The following ATP6V1H variants were observed in gnomAD, a reference collection of about 807,000 sequenced individuals.
ATP6V1H encodes the protein V-type proton ATPase subunit H.
In ATP6V1H, 39 loss-of-function variants were observed where a neutral mutation model predicts 71.7. The observed-to-expected ratio is 0.54, with a 90% CI of 0.42 to 0.71. The LOEUF (loss-of-function observed/expected upper bound fraction) is 0.71. Ranked by LOEUF, ATP6V1H falls within the 30% of genes least tolerant of loss-of-function variation. The pLI is 0.00. For missense variants in ATP6V1H, 509 were observed against 594.9 expected, an observed-to-expected ratio of 0.86 and a Z score of 1.50; for synonymous variants, 192 against 199.3, an observed-to-expected ratio of 0.96 and a Z score of 0.31.
At chr8:53,759,804 T>C in intron 11 of ATP6V1H, among the ~76,000 whole-genome samples, 1 of 152,232 alleles carries the variant, frequency 6.6e-6, no homozygotes, top group East Asian at 1.9e-4. Flanking sequence ...ACTACTAACA[T>C]ACAAGCTACA....
intron 5 of ATP6V1H, among the ~76,000 whole-genome samples, chr8:53,816,563 C>T (rs1282413141): frequency 6.6e-6 from 1 of 152,042 alleles, no homozygotes; most frequent in Non-Finnish European, 1.5e-5. Flanking sequence ...TCTGGGAGGC[C>T]GAGGCAGGCA....
intron 11 of ATP6V1H, among the ~76,000 whole-genome samples, chr8:53,766,598 C>T (rs1213575628): frequency 2.0e-5 from 3 of 152,284 alleles, no homozygotes; most frequent in South Asian, 2.1e-4. Context: ...GGAGAAATAT[C>T]GCTGAATTCT....
In ATP6V1H at chr8:53,772,178, C is replaced by T. The variant is rs750105582; in HGVS notation, c.871-11G>A. ...TTTTTCTAAAAAGTTCTGGGTTAGA[C>T]AAAGTGATAGTGAGAAACTATACAA... On this transcript the variant is annotated splice_polypyrimidine_tract_variant and intron_variant, in intron 9 of 13. Transcript: ENST00000359530. 3 of 1,599,208 alleles carry T rather than the reference C, an allele frequency of 1.9e-6. No homozygotes were observed. The highest frequency in any genetic ancestry group is 2.7e-5 in the African/African-American group (2 of 74,312).
intron 9 of ATP6V1H, among the ~76,000 whole-genome samples, chr8:53,793,163 G>A (rs956425566): frequency 1.3e-5 from 2 of 152,118 alleles, no homozygotes; most frequent in African/African-American, 4.8e-5. Context: ...ATTAAAAGAT[G>A]CTCAGCCTCA....
chr8:53,810,704 C>T (rs1016050325), intron 7 of ATP6V1H, among the ~76,000 whole-genome samples: 5 of 152,148 alleles, frequency 3.3e-5, no homozygotes, highest in African/African-American at 7.2e-5. Context: ...TGTGCCACTG[C>T]ACTCCAGCCT....
chr8:53,809,354 G>A (rs1810199316), intron 7 of ATP6V1H, among the ~76,000 whole-genome samples: 1 of 152,152 alleles, frequency 6.6e-6, no homozygotes, highest in African/African-American at 2.4e-5. Context: ...AGGAAGGGCT[G>A]ACACCCTACT....
chr8:53,830,080 C>T (rs1388755210), intron 3 of ATP6V1H, among the ~76,000 whole-genome samples: 1 of 152,178 alleles, frequency 6.6e-6, no homozygotes, highest in Non-Finnish European at 1.5e-5. Context: ...CTCCTTCAGC[C>T]AATGAGGCCC....
chr8:53,816,897 T>C (rs1402283320), intron 5 of ATP6V1H, among the ~76,000 whole-genome samples: 1 of 152,200 alleles, frequency 6.6e-6, no homozygotes, highest in Non-Finnish European at 1.5e-5. Context: ...ATTTAATTTC[T>C]ATATAGTAAA....
At chr8:53,774,306 C>T (rs1490209258) in intron 9 of ATP6V1H, among the ~76,000 whole-genome samples, 1 of 152,104 alleles carries the variant, frequency 6.6e-6, no homozygotes, top group African/African-American at 2.4e-5. Context: ...ACATAAGAAC[C>T]AAAGTGACCC....
At chr8:53,805,825 C>T (rs1654437491) in intron 7 of ATP6V1H, among the ~76,000 whole-genome samples, 1 of 152,102 alleles carries the variant, frequency 6.6e-6, no homozygotes, top group Non-Finnish European at 1.5e-5. Context: ...AGAATTACTG[C>T]TAAATGCAAT....
In ATP6V1H at chr8:53,839,015, C is replaced by A. The variant is rs1421350178; in HGVS notation, c.113+2563G>T. On this transcript the variant is annotated intron_variant, in intron 2 of 13. Coordinates refer to ENST00000359530, the MANE Select transcript of ATP6V1H (RefSeq NM_015941.4). ...CAGTTAACATTTGGTGAACATTTGCCCACAGGCCTACGGAGTGGAGGGGTT... is the reference window on the plus strand; with the variant it reads ...CAGTTAACATTTGGTGAACATTTGCACACAGGCCTACGGAGTGGAGGGGTT... 3.3e-5 allele frequency among the ~76,000 whole-genome samples: 5 copies of A among 152,236 alleles called. No individual in the cohort carries two copies. The South Asian group carries it at 8.3e-4, about 25-fold the overall frequency.
chr8:53,733,248 C>G (rs924714551), intron 13 of ATP6V1H, among the ~76,000 whole-genome samples: 1 of 152,234 alleles, frequency 6.6e-6, no homozygotes, highest in Non-Finnish European at 1.5e-5. Flanking sequence ...TAGCATCAGA[C>G]TAGCTCCTGA....
chr8:53,807,425 C>A (rs1356274113), intron 7 of ATP6V1H, among the ~76,000 whole-genome samples: 1 of 151,906 alleles, frequency 6.6e-6, no homozygotes, highest in Non-Finnish European at 1.5e-5. Flanking sequence ...CATGGCGAAA[C>A]CCCCATCTCT....
intron 9 of ATP6V1H, among the ~76,000 whole-genome samples, chr8:53,782,464 A>G (rs1032056327): frequency 5.3e-5 from 8 of 151,884 alleles, no homozygotes; most frequent in African/African-American, 7.2e-5. Flanking sequence ...GGTTTTCTAG[A>G]TATACAATCA....
chr8:53,739,922 C>A (rs1442558777), intron 13 of ATP6V1H, among the ~76,000 whole-genome samples: 1 of 152,176 alleles, frequency 6.6e-6, no homozygotes, highest in Non-Finnish European at 1.5e-5. Context: ...CAACTCTATT[C>A]CTCCTCCACC....
At chr8:53,746,808 G>A (rs1356705558) in intron 12 of ATP6V1H, among the ~76,000 whole-genome samples, 3 of 151,682 alleles carry the variant, frequency 2.0e-5, no homozygotes, top group Non-Finnish European at 4.4e-5. Context: ...CCAGCTGGTG[G>A]ATTACAAAAT....
intron 4 of ATP6V1H, among the ~76,000 whole-genome samples, chr8:53,828,397 T>C (rs780306884): frequency 9.9e-5 from 15 of 152,162 alleles, no homozygotes; most frequent in Non-Finnish European, 2.1e-4. Context: ...TGTCATGGTG[T>C]TAATTTATAG....
chr8:53,748,482 A>G (rs1347720394), intron 12 of ATP6V1H, among the ~76,000 whole-genome samples: 1 of 152,218 alleles, frequency 6.6e-6, no homozygotes, highest in Admixed American at 6.5e-5. Context: ...ACAGATGTTA[A>G]TTCTGTTTTC....
chr8:53,747,433 T>C (rs570307227), intron 12 of ATP6V1H, among the ~76,000 whole-genome samples: 131 of 152,218 alleles, frequency 8.6e-4, no homozygotes, highest in African/African-American at 3.1e-3. Flanking sequence ...TTTTGGAGAA[T>C]ATTTATCAGA....
Sources: allele counts gnomAD v4.1 joint callset (sites outside exome capture counted in the v4.1 genomes callset), GRCh38; gene constraint gnomAD v4.1.1; transcripts MANE v1.5; gene names NCBI Gene and HGNC (gene_info 2026-07-23, HGNC 2026-07-21).